Variants in KCNG1 observed in about 807,000 individuals in gnomAD.
The protein encoded by KCNG1 is voltage-gated potassium channel regulatory subunit KCNG1.
Under a neutral mutation model 32.4 loss-of-function variants are expected in KCNG1, and 17 were observed. That is an observed-to-expected ratio of 0.52 (90% confidence interval 0.36 to 0.79). The LOEUF is 0.79. Among genes scored for constraint, KCNG1 ranks in the 30% least tolerant of loss-of-function variants. The pLI is 0.00. For synonymous variants in KCNG1, 358 were observed against 339.9 expected (o/e 1.05, Z -0.59); for missense variants, 441 against 735.2 (o/e 0.60, Z 4.63).
intron 1 of KCNG1, among the ~76,000 whole-genome samples, chr20:51,020,926 C>T (rs931914980): frequency 2.0e-5 from 3 of 152,162 alleles, no homozygotes; most frequent in African/African-American, 4.8e-5. Flanking sequence ...CAGATCTGCC[C>T]CAATCAGGCT....
intron 1 of KCNG1, chr20:51,013,947 A>C: frequency 6.6e-6 from 1 of 152,204 alleles, no homozygotes. Context: ...GGCTCTTGTG[A>C]ATCCCCATGG....
chr20:51,022,093 T>C (rs1988505201), intron 1 of KCNG1, among the ~76,000 whole-genome samples: 1 of 152,158 alleles, frequency 6.6e-6, no homozygotes, highest in African/African-American at 2.4e-5. Flanking sequence ...GGTGCCCCCA[T>C]TCCATCCCTC....
At position 51,009,732 on chromosome 20, in the gene KCNG1, C is replaced by T. The variant is rs754262343; in HGVS notation, c.607G>A (p.Glu203Lys). Residue 203 changes from glutamate (E) to lysine (K), a missense_variant, in exon 2 of 3, where the codon GAG (glutamate) becomes AAG (lysine). Glu to Lys is a moderately conservative substitution (Grantham distance 56). Coordinates refer to ENST00000371571, the MANE Select transcript of KCNG1 (RefSeq NM_002237.4). ...CGCATGCAGCGCCCCAGGCGGCCCT[C>T]GCCCTCGGCCGGGCCCTCGCTGTCG... ...GRDSEGPAEG[E>K]GRLGRCMRRL... is the part of the protein sequence containing the mutation. 2.5e-6 allele frequency: 4 copies of T among 1,606,516 alleles called. No homozygotes were observed. In the Admixed American group the frequency reaches 6.7e-5, roughly 27 times the overall value.
intron 2 of KCNG1, 187 bp downstream of exon 2, chr20:51,009,378 G>T: frequency 1.4e-6 from 1 of 721,112 alleles, no homozygotes; most frequent in Non-Finnish European, 2.2e-6. Context: ...GCACAGGCGT[G>T]GACCCCCATG....
Position 51,005,034 on chromosome 20 carries a change from T to C in KCNG1, c.775-228A>G. 2.3e-6 allele frequency: 1 copy of C among 431,536 alleles called. No individual in the cohort carries two copies. The highest frequency in any genetic ancestry group is 4.0e-6 in the Non-Finnish European group (1 of 247,132). The allele number at this position is 431,536 out of a possible 1,614,324, so 26.7% of individuals were successfully genotyped here. On this transcript the variant is annotated intron_variant, in intron 2 of 2. Transcript: ENST00000371571. The surrounding 1 kb of genome is among the most constrained non-coding windows in gnomAD (Gnocchi z 4.0). Reference sequence around the variant, plus strand: ...CTCTCTCCAGCCCCCACCTCAGCCCTGAACTCCAGACCCCCAACAGGCTGC... The same window carrying C: ...CTCTCTCCAGCCCCCACCTCAGCCCCGAACTCCAGACCCCCAACAGGCTGC...
At chr20:51,012,377 C>T (rs576244986) in intron 1 of KCNG1, 1 of 152,384 alleles carries the variant, frequency 6.6e-6, no homozygotes, top group African/African-American at 2.4e-5. Context: ...CTAGAATTGT[C>T]TGTGTGCAAG....
At position 51,004,373 on chromosome 20, in the gene KCNG1, G is replaced by A. The variant is rs867655754; in HGVS notation, c.1208C>T (p.Ala403Val). ...GATGCTGGTGAACTCGGGGCTGTCG[G>A]CCATCTCGTTCTCGATGACGTAGAG... ...PLLYVIENEMADSPEFTSIPA... is the reference protein window; with the variant it reads ...PLLYVIENEMVDSPEFTSIPA... The change falls in exon 3 of 3, where the codon GCC becomes GTC. Residue 403 changes from alanine to valine, a missense_variant. Physicochemically the swap from Ala to Val is moderately conservative, Grantham distance 64. Coordinates refer to ENST00000371571, the MANE Select transcript of KCNG1 (RefSeq NM_002237.4). The surrounding 1 kb of genome is among the most constrained non-coding windows in gnomAD (Gnocchi z 4.3). 1.9e-6 allele frequency: 3 copies of A among 1,613,634 alleles called. No individual in the cohort carries two copies. The highest frequency in any genetic ancestry group is 2.5e-6 in the Non-Finnish European group (3 of 1,179,694).
At chr20:51,019,776 C>T (rs1411215564) in intron 1 of KCNG1, among the ~76,000 whole-genome samples, 1 of 152,172 alleles carries the variant, frequency 6.6e-6, no homozygotes, top group Non-Finnish European at 1.5e-5. Context: ...CGTTTCACTG[C>T]CAGTATAGCT....
In KCNG1 at chr20:51,015,359, T is replaced by C. The variant is rs911833787; in HGVS notation, c.-26-4995A>G. Among the ~76,000 whole-genome samples the C allele has an allele frequency of 6.6e-6, 1 of 151,936 alleles. No homozygotes were observed. The highest frequency in any genetic ancestry group is 2.4e-5 in the African/African-American group (1 of 41,340). ...GAGGAAGCTGTTCCTGGCTGTGGGATTATGGACAGAAGAAGCAGCTGGCAA... is the reference window on the plus strand; with the variant it reads ...GAGGAAGCTGTTCCTGGCTGTGGGACTATGGACAGAAGAAGCAGCTGGCAA... On this transcript the variant is annotated intron_variant, in intron 1 of 2. Coordinates refer to ENST00000371571, the MANE Select transcript of KCNG1 (RefSeq NM_002237.4). The surrounding 1 kb of genome is among the most constrained non-coding windows in gnomAD (Gnocchi z 4.4).
chr20:51,022,102 T>A (rs1988505460), intron 1 of KCNG1, among the ~76,000 whole-genome samples: 1 of 152,166 alleles, frequency 6.6e-6, no homozygotes, highest in South Asian at 2.1e-4. Flanking sequence ...ATTCCATCCC[T>A]CTTCACTTCT....
At chr20:51,022,220 T>TATGA (rs1334164096) in intron 1 of KCNG1, among the ~76,000 whole-genome samples, 11 of 152,178 alleles carry the variant, frequency 7.2e-5, no homozygotes, top group East Asian at 5.8e-4. Flanking sequence ...TTGTCCAATC[T>TATGA]ATGAATGAAT....
intron 1 of KCNG1, among the ~76,000 whole-genome samples, chr20:51,016,998 C>T (rs988673224): frequency 3.9e-5 from 6 of 152,224 alleles, no homozygotes; most frequent in Admixed American, 1.3e-4. Context: ...ATTTCCCAGA[C>T]CTGGGACCAC....
In KCNG1 at chr20:51,005,199, C is replaced by T. The variant is rs1034595659; in HGVS notation, c.775-393G>A. 24 of 171,708 alleles carry T rather than the reference C, an allele frequency of 1.4e-4. No homozygotes were observed. The highest frequency in any genetic ancestry group is 3.8e-4 in the African/African-American group (16 of 42,116). The allele number at this position is 171,708 out of a possible 1,614,324, so 10.6% of individuals were successfully genotyped here. A position where few individuals can be genotyped will look rare whatever the true frequency, so the allele number is the denominator to read the frequency against. ...CAATGGCTTAGGACAGGAGACCTGG[C>T]GTCATCCTTACCACCTTGCGTATAA... is the stretch of plus-strand genomic sequence containing the variant. On this transcript the variant is annotated intron_variant, in intron 2 of 2. Coordinates refer to ENST00000371571, the MANE Select transcript of KCNG1 (RefSeq NM_002237.4). This position sits in a 1 kb window ranked among gnomAD's most constrained non-coding sequence, Gnocchi z 4.0.
At position 51,015,460 on chromosome 20, in the gene KCNG1, T is replaced by G. The variant is rs1988247008; in HGVS notation, c.-26-5096A>C. Among the ~76,000 whole-genome samples, 1 of 151,810 alleles carries G rather than the reference T, an allele frequency of 6.6e-6. No homozygotes were observed. Among genetic ancestry groups the G allele is most frequent in the Non-Finnish European group, 1.5e-5 (1 of 67,954 alleles). On this transcript the variant is annotated intron_variant, in intron 1 of 2. Coordinates refer to ENST00000371571, the MANE Select transcript of KCNG1 (RefSeq NM_002237.4). This position sits in a 1 kb window ranked among gnomAD's most constrained non-coding sequence, Gnocchi z 4.4. ...CATCAATGCTGAGCTGATGGGTGTG[T>G]GTTTGCGGGGGGTGAGGGTGTCACC...
rs868013543 is a variant in KCNG1, at chr20:51,016,794, C to T, written c.-27+6076G>A. The stretch of plus-strand genomic sequence containing the variant: ...AAGCTACGATTAGAGTCCGCTGCCC[C>T]CCTCCCTGCTTCCCAAGAGAATCTT... On this transcript the variant is annotated intron_variant, in intron 1 of 2. Coordinates refer to ENST00000371571, the MANE Select transcript of KCNG1 (RefSeq NM_002237.4). 5.3e-5 allele frequency among the ~76,000 whole-genome samples: 8 copies of T among 152,318 alleles called. No individual in the cohort carries two copies. The South Asian group carries it at 6.2e-4, about 12-fold the overall frequency.
At chr20:51,022,137 G>A (rs986323668) in intron 1 of KCNG1, among the ~76,000 whole-genome samples, 1 of 152,178 alleles carries the variant, frequency 6.6e-6, no homozygotes, top group African/African-American at 2.4e-5. Context: ...CTCCATAAAT[G>A]TTTGTGAACT....
At position 51,004,764 on chromosome 20, in the gene KCNG1, A is replaced by T. The variant is rs1234463483; in HGVS notation, c.817T>A (p.Ser273Thr). ...AGGGAGAACCAGCCCACGCACACCGACTCCACGATGAAGACGTTGTGGCAC... is the reference window on the plus strand; with the variant it reads ...AGGGAGAACCAGCCCACGCACACCGTCTCCACGATGAAGACGTTGTGGCAC... ...QMCHNVFIVE[S>T]VCVGWFSLEF... is the part of the protein sequence containing the mutation. The change falls in exon 3 of 3, where the codon TCG (serine) becomes ACG (threonine). Residue 273 changes from serine to threonine, a missense_variant. Around this residue, in one of 6 missense-constraint regions of KCNG1, gnomAD observed 169 missense variants for 297.7 expected, o/e 0.57. Transcript: ENST00000371571. The surrounding 1 kb of genome is among the most constrained non-coding windows in gnomAD (Gnocchi z 4.3). 1.9e-6 allele frequency: 3 copies of T among 1,587,008 alleles called. No individual in the cohort carries two copies. The highest frequency in any genetic ancestry group is 2.6e-6 in the Non-Finnish European group (3 of 1,164,742).
Position 51,015,138 on chromosome 20 carries a change from C to T in KCNG1, c.-26-4774G>A, listed in dbSNP as rs1010065102. On this transcript the variant is annotated intron_variant, in intron 1 of 2. Coordinates refer to ENST00000371571, the MANE Select transcript of KCNG1 (RefSeq NM_002237.4). This position sits in a 1 kb window ranked among gnomAD's most constrained non-coding sequence, Gnocchi z 4.4. Reference sequence around the variant, plus strand: ...AGCCCAGGCTGGAGGCTATGGAAGTCATTCTGGAAATGACTAAGGTTTGCA... The same window carrying T: ...AGCCCAGGCTGGAGGCTATGGAAGTTATTCTGGAAATGACTAAGGTTTGCA... Among the ~76,000 whole-genome samples the T allele has an allele frequency of 6.6e-6, 1 of 151,942 alleles. No individual in the cohort carries two copies. The highest frequency in any genetic ancestry group is 2.4e-5 in the African/African-American group (1 of 41,338).
chr20:51,004,949 T>C lies in KCNG1; in HGVS notation c.775-143A>G. 1 of 773,088 alleles carries C rather than the reference T, an allele frequency of 1.3e-6. No individual in the cohort carries two copies. Among genetic ancestry groups the C allele is most frequent in the Non-Finnish European group, 2.0e-6 (1 of 503,358 alleles). 47.9% of individuals were successfully genotyped at this position (773,088 alleles called of 1,614,324 possible). A position where few individuals can be genotyped will look rare whatever the true frequency, so the allele number is the denominator to read the frequency against. ...AGTGGCCCCGGGTCCTCTCCCTAGT[T>C]GTGCCCACTCCGAGGCCTGGGGCAC... is the stretch of plus-strand genomic sequence containing the variant. On this transcript the variant is annotated intron_variant, in intron 2 of 2. Coordinates refer to ENST00000371571, the MANE Select transcript of KCNG1 (RefSeq NM_002237.4). This position sits in a 1 kb window ranked among gnomAD's most constrained non-coding sequence, Gnocchi z 4.3.
Sources: gnomAD v4.1 joint callset for allele counts (sites outside exome capture counted in the v4.1 genomes callset) on GRCh38, gnomAD v4.1.1 for gene constraint, gnomAD v4.1.1 regional missense constraint, Gnocchi (gnomAD v3.1) non-coding constraint, MANE v1.5 for transcripts, NCBI Gene and HGNC (gene_info 2026-07-23, HGNC 2026-07-21) for gene names.